CASK: variants seen among roughly 807,000 people sequenced by gnomAD.
CASK encodes peripheral plasma membrane protein CASK.
Under a neutral mutation model 82.9 loss-of-function variants are expected in CASK, and 4 were observed. The observed-to-expected ratio is 0.05, with a 90% CI of 0.02 to 0.11. The LOEUF is 0.11. CASK is among the 10% of genes least tolerant of loss of function. CASK has a pLI of 1.00. For missense variants in CASK, 358 were observed against 720.9 expected (o/e 0.50, Z 5.76); for synonymous variants, 259 against 253.5 (o/e 1.02, Z -0.20).
chrX:41,666,954 G>GA (rs1466134543), intron 6 of CASK, among the ~76,000 whole-genome samples: 1 of 111,063 alleles, frequency 9.0e-6, no homozygotes, highest in Non-Finnish European at 1.9e-5. Context: ...AGGAGTAGGG[G>GA]AAACCAGTAT....
intron 5 of CASK, among the ~76,000 whole-genome samples, chrX:41,673,829 GTT>G (rs887137250): frequency 5.9e-5 from 3 of 51,043 alleles, no homozygotes; most frequent in African/African-American, 7.5e-5. Context: ...AACTCTGGGT[GTT>G]TTTTTTTTTT....
intron 3 of CASK, among the ~76,000 whole-genome samples, chrX:41,752,261 C>A (rs1246904368): frequency 9.1e-6 from 1 of 109,308 alleles, no homozygotes; most frequent in African/African-American, 3.3e-5. Context: ...GCCAATTAAT[C>A]AAATAAGAAA....
intron 12 of CASK, among the ~76,000 whole-genome samples, chrX:41,593,079 A>G (rs1445742608): frequency 9.0e-6 from 1 of 111,620 alleles, no homozygotes; most frequent in Non-Finnish European, 1.9e-5. Context: ...TGGCAGGATG[A>G]GGGGGAGGTG....
intron 9 of CASK, among the ~76,000 whole-genome samples, chrX:41,636,358 T>C (rs1569357052): frequency 8.9e-6 from 1 of 112,103 alleles, no homozygotes; most frequent in East Asian, 2.7e-4. Flanking sequence ...ACAACTAATC[T>C]TCTATTATAA....
chrX:41,727,039 A>C (rs1602529152), intron 5 of CASK: 1 of 1,143,190 alleles, frequency 8.7e-7, no homozygotes, highest in East Asian at 3.0e-5. Flanking sequence ...GAACAACAAT[A>C]CAACATGTAT....
intron 5 of CASK, 117 bp from the exon 6 acceptor site, chrX:41,671,647 T>G: frequency 3.9e-6 from 2 of 517,506 alleles, no homozygotes; most frequent in Non-Finnish European, 6.9e-6. Context: ...GAGAAACACA[T>G]TAAAAACTTC....
chrX:41,905,869 C>T (rs2072461525), intron 1 of CASK, among the ~76,000 whole-genome samples: 1 of 112,838 alleles, frequency 8.9e-6, no homozygotes, highest in South Asian at 3.6e-4. Flanking sequence ...GTAAGCCAGT[C>T]ATTAGTAATT....
At chrX:41,563,456 T>G (rs1353912796) in intron 16 of CASK, among the ~76,000 whole-genome samples, 1 of 89,826 alleles carries the variant, frequency 1.1e-5, no homozygotes, top group Non-Finnish European at 2.3e-5. Context: ...AAAAAGGAGA[T>G]AATAAAAATT....
intron 25 of CASK, among the ~76,000 whole-genome samples, chrX:41,525,192 C>T (rs1042408580): frequency 9.0e-6 from 1 of 111,297 alleles, no homozygotes; most frequent in African/African-American, 3.3e-5. Flanking sequence ...ACAGTTCCCT[C>T]TTGGCCTCAG....
At chrX:41,675,562 G>C (rs1468342616) in intron 5 of CASK, among the ~76,000 whole-genome samples, 3 of 112,213 alleles carry the variant, frequency 2.7e-5, no homozygotes, top group Non-Finnish European at 3.8e-5. Flanking sequence ...ATGAAAACAG[G>C]TAACTCCCTA....
chrX:41,668,971 C>T (rs758123367), intron 6 of CASK, among the ~76,000 whole-genome samples: 1 of 111,185 alleles, frequency 9.0e-6, no homozygotes, highest in East Asian at 2.8e-4. Context: ...TCAATCTGCC[C>T]GCCTCAGCCT....
chrX:41,550,205 C>A (rs1445682554), intron 21 of CASK, among the ~76,000 whole-genome samples: 2 of 111,693 alleles, frequency 1.8e-5, no homozygotes, highest in Non-Finnish European at 3.8e-5. Flanking sequence ...TTTCCTCATG[C>A]CCCTCTGTAA....
chrX:41,639,439 TA>T (rs34791433), intron 8 of CASK, among the ~76,000 whole-genome samples: 37 of 93,112 alleles, frequency 4.0e-4, no homozygotes, highest in Admixed American at 3.7e-4. Context: ...GATGAGGGTT[TA>T]AAAAAAAAAA....
chrX:41,538,904 C>T (rs1602231269), intron 22 of CASK, among the ~76,000 whole-genome samples: 2 of 111,348 alleles, frequency 1.8e-5, no homozygotes, highest in East Asian at 2.8e-4. Flanking sequence ...TGAAGTGGGC[C>T]AGGTGCAAAA....
Position 41,771,137 on chromosome X carries a change from C to A in CASK, c.278+16041G>T, listed in dbSNP as rs768889531. ...CAAAAGATGAAATAATTTTTAATAA[C>A]CTGAGAAATAATGACATTACCTTCA... On this transcript the variant is annotated intron_variant, in intron 3 of 26. Coordinates refer to ENST00000378163, the MANE Select transcript of CASK (RefSeq NM_001367721.1). Among the ~76,000 whole-genome samples, 6 of 112,092 alleles carry A rather than the reference C, an allele frequency of 5.4e-5. No individual in the cohort carries two copies. In the South Asian group the frequency reaches 1.8e-3, roughly 34 times the overall value.
intron 8 of CASK, among the ~76,000 whole-genome samples, chrX:41,657,432 T>G (rs1175670250): frequency 2.7e-5 from 3 of 112,784 alleles, no homozygotes; most frequent in Non-Finnish European, 3.8e-5. Flanking sequence ...ATTCATACAT[T>G]ATGATGATGG....
At chrX:41,642,375 T>G (rs748903817) in intron 8 of CASK, among the ~76,000 whole-genome samples, 73 of 111,876 alleles carry the variant, frequency 6.5e-4, no homozygotes, top group East Asian at 4.2e-3. Flanking sequence ...GTGTAAAAGT[T>G]TTCCTATTTC....
At chrX:41,921,087 T>C (rs531857955) in intron 1 of CASK, among the ~76,000 whole-genome samples, 394 of 112,049 alleles carry the variant, frequency 3.5e-3, no homozygotes, top group Non-Finnish European at 6.2e-3. Flanking sequence ...ACGTGGCTGG[T>C]CCGACTGGGA....
At chrX:41,718,015 G>A (rs1182228734) in intron 5 of CASK, among the ~76,000 whole-genome samples, 1 of 112,187 alleles carries the variant, frequency 8.9e-6, no homozygotes, top group Non-Finnish European at 1.9e-5. Context: ...GGAACATTTA[G>A]CCCTACTCCC....
Sources: allele counts gnomAD v4.1 joint callset (sites outside exome capture counted in the v4.1 genomes callset), GRCh38; gene constraint gnomAD v4.1.1; transcripts MANE v1.5; gene names NCBI Gene and HGNC (gene_info 2026-07-23, HGNC 2026-07-21).